The following LY75 variants were observed in gnomAD, a reference collection of about 807,000 sequenced individuals.
LY75 encodes lymphocyte antigen 75.
A neutral mutation model predicts 231.7 loss-of-function variants in LY75; 185 were observed. The ratio of observed to expected loss-of-function variants is 0.80; its 90% CI spans 0.71 to 0.90. The LOEUF (loss-of-function observed/expected upper bound fraction) is 0.90, where lower values mean the gene tolerates loss of function less well. Ranked by LOEUF, LY75 falls within the 40% of genes least tolerant of loss-of-function variation. The pLI is 0.00. For synonymous variants in LY75, 668 were observed against 689.0 expected (o/e 0.97, Z 0.48); for missense variants, 1,947 against 2,050.2 (o/e 0.95, Z 0.97).
Position 159,884,687 on chromosome 2 carries a change from G to A in LY75, c.1054+466C>T, listed in dbSNP as rs533772060. Among the ~76,000 whole-genome samples, 16 of 152,232 alleles carry A rather than the reference G, an allele frequency of 1.1e-4. 1 individual carries two copies. The highest frequency in any genetic ancestry group is 3.6e-4 in the African/African-American group (15 of 41,554). ...ATGAACTGCAGTGGTTCTCAGACTT[G>A]AATACGCATCAGAACCACCTGGAAA... On this transcript the variant is annotated intron_variant, in intron 6 of 34. Coordinates refer to ENST00000263636, the MANE Select transcript of LY75 (RefSeq NM_002349.4).
intron 3 of LY75, 65 bp downstream of exon 3, chr2:159,893,849 C>A: frequency 6.6e-7 from 1 of 1,510,094 alleles, no homozygotes; most frequent in South Asian, 1.3e-5. Context: ...TGAACTCTTC[C>A]TTCTCCCTAT....
chr2:159,830,886 G>A lies in LY75; in HGVS notation c.3958+784C>T, dbSNP rs572897026. 6.6e-5 allele frequency among the ~76,000 whole-genome samples: 10 copies of A among 152,212 alleles called. No individual in the cohort carries two copies. The South Asian group carries it at 2.1e-3, about 32-fold the overall frequency. ...CGTGGGACGCTACACCTGGCCATGT[G>A]TCTCATTTTTCTAATGCTTATCATA... On this transcript the variant is annotated intron_variant, in intron 28 of 34. Transcript: ENST00000263636.
intron 16 of LY75, 133 bp downstream of exon 16, chr2:159,858,229 C>T (rs2125858791): frequency 9.0e-7 from 1 of 1,114,908 alleles, no homozygotes; most frequent in East Asian, 2.7e-5. Context: ...GGGTGCTCCA[C>T]ATATTAATTG....
At chr2:159,865,142 C>T (rs2125863229) in intron 13 of LY75, among the ~76,000 whole-genome samples, 1 of 152,140 alleles carries the variant, frequency 6.6e-6, no homozygotes, top group East Asian at 1.9e-4. Context: ...AGGCAAAAAC[C>T]ATTCTACTTT....
At chr2:159,857,262 T>C (rs1684575106) in intron 16 of LY75, among the ~76,000 whole-genome samples, 2 of 152,236 alleles carry the variant, frequency 1.3e-5, no homozygotes, top group South Asian at 4.1e-4. Flanking sequence ...TGAAGCTCTT[T>C]TAACTATTTT....
chr2:159,855,874 T>G lies in LY75; in HGVS notation c.2384-935A>C, dbSNP rs535433686. On this transcript the variant is annotated intron_variant, in intron 16 of 34. Coordinates refer to ENST00000263636, the MANE Select transcript of LY75 (RefSeq NM_002349.4). ...AAATTACAGAGTAAAATAGCTGGTC[T>G]TAATTTTGGTGTGGCATGTGAGCCT... Among the ~76,000 whole-genome samples the G allele has an allele frequency of 2.6e-5, 4 of 152,342 alleles. No homozygotes were observed. In the South Asian group the frequency reaches 8.3e-4, roughly 32 times the overall value.
intron 26 of LY75, 73 bp downstream of exon 26, chr2:159,835,407 C>T: frequency 1.4e-6 from 2 of 1,406,284 alleles, no homozygotes; most frequent in Non-Finnish European, 1.9e-6. Context: ...TTTTATAAAA[C>T]CACTCCTCAG....
At chr2:159,829,257 CTTG>C (rs1683576564) in intron 28 of LY75, among the ~76,000 whole-genome samples, 1 of 152,192 alleles carries the variant, frequency 6.6e-6, no homozygotes, top group Non-Finnish European at 1.5e-5. Flanking sequence ...CGATTTGGTT[CTTG>C]TTTGCTGCTT....
rs530422641 is a variant in LY75, at chr2:159,885,032, G to A, written c.1054+121C>T. 1.9e-5 allele frequency: 26 copies of A among 1,350,022 alleles called. No individual in the cohort carries two copies. In the Admixed American group the frequency reaches 2.2e-4, roughly 11 times the overall value. The allele number at this position is 1,350,022 out of a possible 1,614,324, so 83.6% of individuals were successfully genotyped here. On this transcript the variant is annotated intron_variant, in intron 6 of 34. Transcript: ENST00000263636. ...AGGGTTAAAAATCAAGTACTTTTCT[G>A]TACTGTCAGTATCAGGAGAAGGAAA...
At chr2:159,882,047 TTCCCACAAAGAGTCTAAA>T in intron 7 of LY75, 59 bp downstream of exon 7, 1 of 1,497,296 alleles carries the variant, frequency 6.7e-7, no homozygotes. Context: ...AAGCTTTTCA[TTCCCACAAAGAGTCTAAA>T]ACCAGGGATA....
chr2:159,884,287 G>A (rs1685521772), intron 6 of LY75, among the ~76,000 whole-genome samples: 2 of 152,088 alleles, frequency 1.3e-5, no homozygotes, highest in Non-Finnish European at 2.9e-5. Flanking sequence ...CATGAAAACG[G>A]ATGAATACAT....
Position 159,885,162 on chromosome 2 carries a change from C to G in LY75, c.1045G>C (p.Glu349Gln), listed in dbSNP as rs1211954850. The change falls in exon 6 of 35, where the codon GAG becomes CAG. Residue 349 changes from glutamate to glutamine, a missense_variant. By Grantham distance (29) the Glu-to-Gln change is conservative. Coordinates refer to ENST00000263636, the MANE Select transcript of LY75 (RefSeq NM_002349.4). ...TATGTGAGAAAGATACCTGTTAACT[C>G]CACTGTATTATTTAATGGTTTCCTG... ...VCRKPLNNTV[E>Q]LTDVWTYSDT... 6.2e-7 allele frequency: 1 copy of G among 1,613,054 alleles called. No homozygotes were observed. The highest frequency in any genetic ancestry group is 1.3e-5 in the African/African-American group (1 of 74,966).
At chr2:159,860,752 C>A in intron 15 of LY75, 69 bp downstream of exon 15, 1 of 1,571,470 alleles carries the variant, frequency 6.4e-7, no homozygotes, top group Non-Finnish European at 8.8e-7. Flanking sequence ...CTCCATGGAT[C>A]TGTTACTTGA....
intron 4 of LY75, among the ~76,000 whole-genome samples, chr2:159,888,343 A>G (rs1685655934): frequency 6.6e-6 from 1 of 152,162 alleles, no homozygotes; most frequent in South Asian, 2.1e-4. Context: ...ACACCTGTGA[A>G]TATCCACTGC....
At chr2:159,822,451 A>T (rs1181290357) in intron 28 of LY75, among the ~76,000 whole-genome samples, 1 of 152,234 alleles carries the variant, frequency 6.6e-6, no homozygotes, top group Admixed American at 6.5e-5. Context: ...AGCCCACTGC[A>T]GCTCAGCAAG....
At position 159,875,503 on chromosome 2, in the gene LY75, G is replaced by T. The variant is rs1205978491; in HGVS notation, c.1915C>A (p.Pro639Thr). 2.5e-6 allele frequency: 4 copies of T among 1,614,046 alleles called. No individual in the cohort carries two copies. Among genetic ancestry groups the T allele is most frequent in the Non-Finnish European group, 3.4e-6 (4 of 1,180,000 alleles). ...PLGPEEASPK[P>T]DDPCPEGWQS... ...CAGCCTTCAGGACAGGGGTCATCAG[G>T]CTTAGGGGATGCTTCTTCAGGCCCA... Residue 639 changes from proline (P) to threonine (T), a missense_variant, in exon 12 of 35, where the codon CCT (proline) becomes ACT (threonine). Pro to Thr is a conservative substitution (Grantham distance 38, BLOSUM62 -1). Transcript: ENST00000263636.
At chr2:159,816,661 T>C in intron 30 of LY75, 145 bp downstream of exon 30, 1 of 1,252,296 alleles carries the variant, frequency 8.0e-7, no homozygotes, top group Non-Finnish European at 1.1e-6. Flanking sequence ...TTCTGTGTTG[T>C]AAAAGGTAAG....
rs74466812 is a variant in LY75 at position 159,842,661 on chromosome 2, C to T, written c.3151-287G>A. Among the ~76,000 whole-genome samples, 1,194 of 152,202 alleles carry T rather than the reference C, an allele frequency of 7.8e-3. 10 individuals are homozygous for T. Among genetic ancestry groups the T allele is most frequent in the Non-Finnish European group, 0.011 (724 of 67,984 alleles). ...TCCAGCAATATTTAACACTCGACTACAGTATAAGCAAAACATAATGATTAT... is the reference window on the plus strand; with the variant it reads ...TCCAGCAATATTTAACACTCGACTATAGTATAAGCAAAACATAATGATTAT... On this transcript the variant is annotated intron_variant, in intron 23 of 34. Coordinates refer to ENST00000263636, the MANE Select transcript of LY75 (RefSeq NM_002349.4).
At position 159,885,186 on chromosome 2, in the gene LY75, T is replaced by A; in HGVS notation, c.1021A>T (p.Arg341Trp). 6.2e-7 allele frequency: 1 copy of A among 1,613,576 alleles called. No individual in the cohort carries two copies. The highest frequency in any genetic ancestry group is 8.5e-7 in the Non-Finnish European group (1 of 1,179,652). ...TCCACTGTATTATTTAATGGTTTCC[T>A]GCAGACATAGGGCAGTTGAGCTTCA... ...SCEAQLPYVC[R>W]KPLNNTVELT... is the part of the protein sequence containing the mutation. The change falls in exon 6 of 35, where the codon AGG becomes TGG. Residue 341 changes from arginine (R) to tryptophan (W), a missense_variant. By Grantham distance (101) the Arg-to-Trp change is moderately radical (BLOSUM62 -3). Transcript: ENST00000263636.
Sources: gnomAD v4.1 joint callset for allele counts (sites outside exome capture counted in the v4.1 genomes callset) on GRCh38, gnomAD v4.1.1 for gene constraint, MANE v1.5 for transcripts, NCBI Gene and HGNC (gene_info 2026-07-23, HGNC 2026-07-21) for gene names.